Variants in SPOCK2 observed in about 807,000 individuals in gnomAD.
The protein encoded by SPOCK2 is testican-2.
In SPOCK2, 39 loss-of-function variants were observed where a neutral mutation model predicts 60.1. The observed-to-expected ratio is 0.65, with a 90% confidence interval of 0.50 to 0.85. SPOCK2 has a LOEUF of 0.85. Ranked by LOEUF, SPOCK2 falls within the 40% of genes least tolerant of loss-of-function variation. The probability of loss-of-function intolerance (pLI) is 0.00; values close to 1 mark genes in which losing one functional copy is unlikely to be tolerated. For synonymous variants in SPOCK2, 217 were observed against 231.5 expected (o/e 0.94, Z 0.57); for missense variants, 523 against 567.4 (o/e 0.92, Z 0.80).
At chr10:72,074,710 G>A (rs1367896428) in intron 1 of SPOCK2, among the ~76,000 whole-genome samples, 4 of 152,194 alleles carry the variant, frequency 2.6e-5, no homozygotes, top group Non-Finnish European at 5.9e-5. Context: ...CAGGAGTCGG[G>A]AAGGATGGGG....
At position 72,086,054 on chromosome 10, in the gene SPOCK2, C is replaced by G. The variant is rs1840850608; in HGVS notation, c.189+2086G>C. 2.0e-5 allele frequency among the ~76,000 whole-genome samples: 3 copies of G among 152,234 alleles called. No individual in the cohort carries two copies. In the South Asian group the frequency reaches 6.2e-4, roughly 31 times the overall value. ...CAACAGATCCCCAGGGCCAGGCCCTCTTGCCCAGCCTTCTTTGTCCTACTT... is the reference window on the plus strand; with the variant it reads ...CAACAGATCCCCAGGGCCAGGCCCTGTTGCCCAGCCTTCTTTGTCCTACTT... On this transcript the variant is annotated intron_variant, in intron 1 of 10. Coordinates refer to ENST00000373109, the MANE Select transcript of SPOCK2 (RefSeq NM_001244950.2).
chr10:72,069,379 C>CAGCT (rs1251454073), intron 5 of SPOCK2: 3 of 152,250 alleles, frequency 2.0e-5, no homozygotes, highest in Non-Finnish European at 2.9e-5. Flanking sequence ...CACCCCAAGC[C>CAGCT]AGCTGTCAGT....
intron 8 of SPOCK2, among the ~76,000 whole-genome samples, chr10:72,064,559 C>T (rs1840542326): frequency 6.6e-6 from 1 of 152,044 alleles, no homozygotes; most frequent in Non-Finnish European, 1.5e-5. Flanking sequence ...TATGAGAGAG[C>T]CCAGGGGAAC....
intron 8 of SPOCK2, among the ~76,000 whole-genome samples, chr10:72,066,097 G>A (rs1395776251): frequency 3.3e-5 from 5 of 152,116 alleles, no homozygotes; most frequent in Admixed American, 2.0e-4. Context: ...TTTCCGAGAT[G>A]ACTCTGGTTT....
chr10:72,084,281 C>T (rs745363924), intron 1 of SPOCK2, among the ~76,000 whole-genome samples: 9 of 152,230 alleles, frequency 5.9e-5, no homozygotes, highest in Admixed American at 5.9e-4. Context: ...GGCAAGGTGC[C>T]TTCACACCTA....
At chr10:72,070,230 G>C in intron 5 of SPOCK2, 82 bp downstream of exon 5, 3 of 1,379,942 alleles carry the variant, frequency 2.2e-6, no homozygotes, top group Non-Finnish European at 3.0e-6. Context: ...CCCCTCCGGA[G>C]GCCCCAGCTG....
chr10:72,070,802 G>GT (rs748689381), intron 4 of SPOCK2, among the ~76,000 whole-genome samples: 1,578 of 147,692 alleles, frequency 0.011, 12 homozygotes, highest in African/African-American at 0.019. Flanking sequence ...GCCACCAAGT[G>GT]TTTTTTTTTT....
At chr10:72,086,076 A>T in intron 1 of SPOCK2, 2 of 632,758 alleles carry the variant, frequency 3.2e-6, no homozygotes, top group Non-Finnish European at 3.9e-6. Context: ...TCTTTGTCCT[A>T]CTTCTCTCCC....
Position 72,068,428 on chromosome 10 carries a change from C to A in SPOCK2, c.475-127G>T. 3 of 965,872 alleles carry A rather than the reference C, an allele frequency of 3.1e-6. No individual in the cohort carries two copies. In the South Asian group the frequency reaches 5.2e-5, roughly 17 times the overall value. The allele number at this position is 965,872 out of a possible 1,614,324, so 59.8% of individuals were successfully genotyped here. ...CCCCCATGGAGTGCCCATGAACAGC[C>A]TGAAGGGTCCTCTTGGTTCCTCTGC... is the stretch of plus-strand genomic sequence containing the variant. On this transcript the variant is annotated intron_variant, in intron 5 of 10. Transcript: ENST00000373109.
chr10:72,067,270 G>A (rs1564546444), intron 7 of SPOCK2, 150 bp from the exon 8 acceptor site: 4 of 849,508 alleles, frequency 4.7e-6, no homozygotes, highest in Non-Finnish European at 7.2e-6. Flanking sequence ...ACTCGAGAAC[G>A]GCGAAAGGTC....
intron 6 of SPOCK2, among the ~76,000 whole-genome samples, 187 bp downstream of exon 6, chr10:72,068,000 G>A (rs1840594897): frequency 2.6e-5 from 4 of 152,018 alleles, no homozygotes; most frequent in African/African-American, 9.7e-5. Flanking sequence ...GGGGAGAAAC[G>A]AGGGCTGAGC....
rs1370816023 is a variant in SPOCK2 at position 72,072,287 on chromosome 10, T to G, written c.245-29A>C. The G allele has an allele frequency of 3.4e-6, 5 of 1,492,214 alleles. 1 individual carries two copies. Among genetic ancestry groups the G allele is most frequent in the Non-Finnish European group, 4.5e-6 (5 of 1,121,652 alleles). The allele number at this position is 1,492,214 out of a possible 1,614,324, so 92.4% of individuals were successfully genotyped here. On this transcript the variant is annotated intron_variant, in intron 3 of 10. Coordinates refer to ENST00000373109, the MANE Select transcript of SPOCK2 (RefSeq NM_001244950.2). ...CAGGGGCACAGAGTCAGGACACAGG[T>G]CACCTGGGAGAACCCAGGAACCTCC...
chr10:72,063,364 TGAG>T (rs1263284795), intron 9 of SPOCK2, among the ~76,000 whole-genome samples: 5 of 152,218 alleles, frequency 3.3e-5, no homozygotes, highest in Admixed American at 2.6e-4. Context: ...TCGCTGGAGA[TGAG>T]GAAACCCGCT....
Position 72,079,406 on chromosome 10 carries a change from G to A in SPOCK2, c.190-6496C>T, listed in dbSNP as rs975688476. ...AAGGGGAAGACACCTGGGGGCCCCC[G>A]TTCTCCAGGCATTTTTCAGAAACCC... On this transcript the variant is annotated intron_variant, in intron 1 of 10. Transcript: ENST00000373109. Among the ~76,000 whole-genome samples the A allele has an allele frequency of 7.2e-5, 11 of 152,252 alleles. No homozygotes were observed. The East Asian group carries it at 1.7e-3, about 24-fold the overall frequency.
At chr10:72,079,792 C>T (rs533744089) in intron 1 of SPOCK2, among the ~76,000 whole-genome samples, 1 of 152,180 alleles carries the variant, frequency 6.6e-6, no homozygotes, top group South Asian at 2.1e-4. Flanking sequence ...CTTTGCAGCA[C>T]AGTGTGACAG....
rs553376146 is a variant in SPOCK2 at position 72,082,392 on chromosome 10, G to C, written c.189+5748C>G. ...AGAAGACCCACATTGCTCCTGCAAGGAGACGCGCAGAGACGGGGTTGTGGA... is the reference window on the plus strand; with the variant it reads ...AGAAGACCCACATTGCTCCTGCAAGCAGACGCGCAGAGACGGGGTTGTGGA... On this transcript the variant is annotated intron_variant, in intron 1 of 10. Transcript: ENST00000373109. 2.0e-5 allele frequency among the ~76,000 whole-genome samples: 3 copies of C among 152,234 alleles called. 1 individual carries two copies. The highest frequency in any genetic ancestry group is 4.8e-5 in the African/African-American group (2 of 41,458).
chr10:72,068,518 A>G (rs564744950), intron 5 of SPOCK2, among the ~76,000 whole-genome samples: 5 of 152,220 alleles, frequency 3.3e-5, no homozygotes, highest in Admixed American at 3.3e-4. Flanking sequence ...GGTCCTAGCC[A>G]TGCAGGCTCC....
intron 4 of SPOCK2, among the ~76,000 whole-genome samples, chr10:72,071,019 T>TGCA (rs1840640048): frequency 6.6e-6 from 1 of 152,118 alleles, no homozygotes; most frequent in African/African-American, 2.4e-5. Context: ...GCACTCTTCA[T>TGCA]GCATTACATT....
chr10:72,070,833 T>TAACA (rs1840637890), intron 4 of SPOCK2, among the ~76,000 whole-genome samples: 1 of 152,076 alleles, frequency 6.6e-6, no homozygotes, highest in Non-Finnish European at 1.5e-5. Context: ...ATTTATGCAC[T>TAACA]AACATTTACC....
Sources: allele counts gnomAD v4.1 joint callset (sites outside exome capture counted in the v4.1 genomes callset), GRCh38; gene constraint gnomAD v4.1.1; transcripts MANE v1.5; gene names NCBI Gene and HGNC (gene_info 2026-07-23, HGNC 2026-07-21).